Variants in CLIP3 observed in about 807,000 individuals in gnomAD.
CLIP3 encodes the protein CAP-Gly domain-containing linker protein 3.
In CLIP3, 15 loss-of-function variants were observed where a neutral mutation model predicts 59.4. That is an observed-to-expected ratio of 0.25 (90% CI 0.17 to 0.39). CLIP3 has a LOEUF of 0.39. Ranked by LOEUF, CLIP3 falls within the 10% of genes least tolerant of loss-of-function variation. The probability of loss-of-function intolerance (pLI) is 1.00; values close to 1 mark genes in which losing one functional copy is unlikely to be tolerated. For missense variants in CLIP3, 495 were observed against 765.7 expected (o/e 0.65, Z 4.17); for synonymous variants, 300 against 321.6 (o/e 0.93, Z 0.72).
rs186824653 is a variant in CLIP3 at position 36,016,237 on chromosome 19, C to A, written c.1590-25G>T. The A allele has an allele frequency of 4.5e-3, 7,275 of 1,613,888 alleles. 24 individuals are homozygous for A. The highest frequency in any genetic ancestry group is 5.5e-3 in the Non-Finnish European group (6,490 of 1,179,822). On this transcript the variant is annotated intron_variant, in intron 13 of 13. Coordinates refer to ENST00000360535, the MANE Select transcript of CLIP3 (RefSeq NM_015526.3). This position sits in a 1 kb window ranked among gnomAD's most constrained non-coding sequence, Gnocchi z 4.1. ...CCTGGAAAGGAGGATGACAGGGTCA[C>A]GCCCTTAGGCAGGCAGCGGGGACAT...
chr19:36,026,223 A>C lies in CLIP3; in HGVS notation c.605T>G (p.Leu202Arg). The C allele has an allele frequency of 6.2e-7, 1 of 1,613,772 alleles. No homozygotes were observed. The highest frequency in any genetic ancestry group is 8.5e-7 in the Non-Finnish European group (1 of 1,179,966). ...GCACAGGCTGGAAGCAGCGATGTGC[A>C]GGGCTGAGCCGTGGTTGAAGTCACT... ...TCSDFNHGSALHIAASSLCLG... is the reference protein window; with the variant it reads ...TCSDFNHGSARHIAASSLCLG... Residue 202 changes from leucine to arginine, a missense_variant, in exon 6 of 14, where the codon CTG becomes CGG. Physicochemically the swap from Leu to Arg is moderately radical, Grantham distance 102. Transcript: ENST00000360535. This position sits in a 1 kb window ranked among gnomAD's most constrained non-coding sequence, Gnocchi z 6.3.
Position 36,018,895 on chromosome 19 carries a change from G to A in CLIP3, c.1183+3C>T, listed in dbSNP as rs1312919207. The A allele has an allele frequency of 6.2e-7, 1 of 1,612,966 alleles. No individual in the cohort carries two copies. The highest frequency in any genetic ancestry group is 2.2e-5 in the East Asian group (1 of 44,852). On this transcript the variant is annotated splice_donor_region_variant and intron_variant, in intron 9 of 13. Transcript: ENST00000360535. The stretch of plus-strand genomic sequence containing the variant: ...TTCCCACCACAGGGATCCCCTCTCT[G>A]ACCTTTGTGTTCCCTGCGGCCTTTG...
Position 36,026,288 on chromosome 19 carries a change from G to A in CLIP3, c.563-23C>T, listed in dbSNP as rs771002841. The A allele has an allele frequency of 1.2e-5, 19 of 1,589,706 alleles. 1 individual carries two copies. Among genetic ancestry groups the A allele is most frequent in the Non-Finnish European group, 1.6e-5 (19 of 1,159,412 alleles). ...CCACTGGAAGTGGGCAAGAGGAGGG[G>A]TTCCGGGTGAGCGCCTGTGGGACCC... On this transcript the variant is annotated intron_variant, in intron 5 of 13. Coordinates refer to ENST00000360535, the MANE Select transcript of CLIP3 (RefSeq NM_015526.3). This position sits in a 1 kb window ranked among gnomAD's most constrained non-coding sequence, Gnocchi z 6.3.
chr19:36,017,922 A>C lies in CLIP3; in HGVS notation c.1253T>G (p.Val418Gly), dbSNP rs767691706. The C allele has an allele frequency of 6.2e-7, 1 of 1,614,090 alleles. No homozygotes were observed. The part of the protein sequence containing the change: ...LQQRDGAKAE[V>G]GDQVLVAGQK... ...GCCCGCGACAAGGACCTGGTCTCCAACCTCAGCCTTGGCCCCGTCACGCTG... is the reference window on the plus strand; with the variant it reads ...GCCCGCGACAAGGACCTGGTCTCCACCCTCAGCCTTGGCCCCGTCACGCTG... Residue 418 changes from valine to glycine, a missense_variant, in exon 10 of 14, where the codon GTT becomes GGT. This residue lies in a region of CLIP3 where 179 missense variants were observed against 226.2 expected (regional missense o/e 0.79). Coordinates refer to ENST00000360535, the MANE Select transcript of CLIP3 (RefSeq NM_015526.3).
chr19:36,021,192 T>C (rs1157345752), intron 7 of CLIP3, among the ~76,000 whole-genome samples: 2 of 151,966 alleles, frequency 1.3e-5, no homozygotes, highest in African/African-American at 4.8e-5. Flanking sequence ...TTAGCTATTA[T>C]CATGCTGTAA....
At position 36,016,826 on chromosome 19, in the gene CLIP3, C is replaced by T; in HGVS notation, c.1589+81G>A. ...TCTCTTTCCAGCCCTGACCAGAGCT[C>T]CAGACCTCTGGGTCCAACTGCCTTA... On this transcript the variant is annotated intron_variant, in intron 13 of 13. Transcript: ENST00000360535. This position sits in a 1 kb window ranked among gnomAD's most constrained non-coding sequence, Gnocchi z 4.1. 1 of 1,452,220 alleles carries T rather than the reference C, an allele frequency of 6.9e-7. No homozygotes were observed. Among genetic ancestry groups the T allele is most frequent in the Non-Finnish European group, 9.5e-7 (1 of 1,048,760 alleles). The allele number at this position is 1,452,220 out of a possible 1,614,324, so 90.0% of individuals were successfully genotyped here.
intron 2 of CLIP3, among the ~76,000 whole-genome samples, chr19:36,029,323 A>AAAT (rs34414632): frequency 4.0e-5 from 6 of 151,116 alleles, no homozygotes; most frequent in African/African-American, 1.5e-4. Context: ...AAAAAAAAAA[A>AAAT]TAGGGTCTGT....
chr19:36,016,162 G>A lies in CLIP3; in HGVS notation c.1640C>T (p.Ser547Phe). 2 of 1,614,004 alleles carry A rather than the reference G, an allele frequency of 1.2e-6. No homozygotes were observed. The highest frequency in any genetic ancestry group is 1.7e-6 in the Non-Finnish European group (2 of 1,179,926). The stretch of plus-strand genomic sequence containing the variant: ...TTTGTCAGGTGTCCAGGGCCTCTAA[G>A]ACTGCATCTCCGCCCTCAGCATCCA... ...FPWMLRAEMQ[S>F] Residue 547 changes from serine (S) to phenylalanine (F), a missense_variant, in exon 14 of 14, where the codon TCT (serine) becomes TTT (phenylalanine). Physicochemically the swap from Ser to Phe is radical, Grantham distance 155 (BLOSUM62 -2). This residue lies in a region of CLIP3 where 6 missense variants were observed against 27.0 expected (regional missense o/e 0.22). Coordinates refer to ENST00000360535, the MANE Select transcript of CLIP3 (RefSeq NM_015526.3). The surrounding 1 kb of genome is among the most constrained non-coding windows in gnomAD (Gnocchi z 4.1).
At chr19:36,019,599 T>A (rs992971789) in intron 7 of CLIP3, among the ~76,000 whole-genome samples, 1 of 126,792 alleles carries the variant, frequency 7.9e-6, no homozygotes, top group African/African-American at 4.0e-5. Flanking sequence ...TATTTATTTA[T>A]TTTATTTATT....
rs1417456872 is a variant in CLIP3 at position 36,026,369 on chromosome 19, G to A, written c.563-104C>T. The A allele has an allele frequency of 1.7e-6, 2 of 1,201,848 alleles. No homozygotes were observed. Among genetic ancestry groups the A allele is most frequent in the South Asian group, 1.4e-5 (1 of 73,518 alleles). 74.4% of individuals were successfully genotyped at this position (1,201,848 alleles called of 1,614,324 possible). A position where few individuals can be genotyped will look rare whatever the true frequency, so the allele number is the denominator to read the frequency against. ...TTAACTTGCAGGTCCCAGAGCCTCC[G>A]ACGCAGAGCCCCGCCCCCACCTCGG... On this transcript the variant is annotated intron_variant, in intron 5 of 13. Coordinates refer to ENST00000360535, the MANE Select transcript of CLIP3 (RefSeq NM_015526.3). The surrounding 1 kb of genome is among the most constrained non-coding windows in gnomAD (Gnocchi z 6.3).
intron 2 of CLIP3, among the ~76,000 whole-genome samples, chr19:36,028,748 G>C (rs1321644691): frequency 2.0e-5 from 3 of 152,052 alleles, no homozygotes; most frequent in Non-Finnish European, 4.4e-5. Flanking sequence ...CAGCCCCTCA[G>C]TTCTCAGCCC....
In CLIP3 at chr19:36,017,908, G is replaced by T; in HGVS notation, c.1267C>A (p.Leu423Ile). The T allele has an allele frequency of 1.1e-5, 17 of 1,614,106 alleles. No homozygotes were observed. Among genetic ancestry groups the T allele is most frequent in the Non-Finnish European group, 1.4e-5 (17 of 1,180,006 alleles). Residue 423 changes from leucine to isoleucine, a missense_variant, in exon 10 of 14, where the codon CTT (leucine) becomes ATT (isoleucine). This residue lies in a region of CLIP3 where 179 missense variants were observed against 226.2 expected (regional missense o/e 0.79). Transcript: ENST00000360535. ...ATCCCCTGCTTCTGGCCCGCGACAA[G>T]GACCTGGTCTCCAACCTCAGCCTTG... Reference protein sequence around the residue: ...GAKAEVGDQVLVAGQKQGIVR... With the variant: ...GAKAEVGDQVIVAGQKQGIVR...
At chr19:36,031,613 T>C (rs1969269455) in intron 2 of CLIP3, among the ~76,000 whole-genome samples, 1 of 152,166 alleles carries the variant, frequency 6.6e-6, no homozygotes, top group African/African-American at 2.4e-5. Context: ...TGGGAGCCCT[T>C]TCCCCTGACC....
chr19:36,032,400 A>T lies in CLIP3; in HGVS notation c.-43T>A. 1 of 1,027,912 alleles carries T rather than the reference A, an allele frequency of 9.7e-7. No individual in the cohort carries two copies. Among genetic ancestry groups the T allele is most frequent in the Non-Finnish European group, 1.3e-6 (1 of 789,194 alleles). 63.7% of individuals were successfully genotyped at this position (1,027,912 alleles called of 1,614,324 possible). A position where few individuals can be genotyped will look rare whatever the true frequency, so the allele number is the denominator to read the frequency against. On this transcript the variant is annotated 5_prime_UTR_variant, in exon 2 of 14. Transcript: ENST00000360535. The surrounding 1 kb of genome is among the most constrained non-coding windows in gnomAD (Gnocchi z 4.3). Reference sequence around the variant, plus strand: ...GGGGGGCGGGTGCAGAGTTGGGGGCAGCCTTCAGGCAAATCCTGGAGGCAG... The same window carrying T: ...GGGGGGCGGGTGCAGAGTTGGGGGCTGCCTTCAGGCAAATCCTGGAGGCAG...
rs1227733550 is a variant in CLIP3 at position 36,026,597 on chromosome 19, G to A, written c.551C>T (p.Ala184Val). 12 of 1,613,382 alleles carry A rather than the reference G, an allele frequency of 7.4e-6. No individual in the cohort carries two copies. Among genetic ancestry groups the A allele is most frequent in the Non-Finnish European group, 9.3e-6 (11 of 1,179,926 alleles). Residue 184 changes from alanine to valine, a missense_variant, in exon 5 of 14, where the codon GCG becomes GTG. Physicochemically the swap from Ala to Val is moderately conservative, Grantham distance 64. Around this residue, in one of 5 missense-constraint regions of CLIP3, gnomAD observed 194 missense variants for 327.8 expected, o/e 0.59. Transcript: ENST00000360535. The surrounding 1 kb of genome is among the most constrained non-coding windows in gnomAD (Gnocchi z 6.3). ...GCTCTCCTCCTCACCTCGCGGCCTCGCACCCTTCAGCAGCACACGCACGAG... is the reference window on the plus strand; with the variant it reads ...GCTCTCCTCCTCACCTCGCGGCCTCACACCCTTCAGCAGCACACGCACGAG... ...PDLVRVLLKG[A>V]RPRVVNSTCS...
rs748292401 is a variant in CLIP3 at position 36,017,425 on chromosome 19, C to T, written c.1477G>A (p.Gly493Arg). The T allele has an allele frequency of 8.4e-5, 136 of 1,613,530 alleles. No homozygotes were observed. Among genetic ancestry groups the T allele is most frequent in the Non-Finnish European group, 1.0e-4 (120 of 1,180,032 alleles). ...QRIGGSTDSP[G>R]DSVGAKKVHQ... ...ACTTTTTTGGCTCCAACGCTGTCCC[C>T]GGGGGAATCAGTGGATCCGCCAATC... Residue 493 changes from glycine (G) to arginine (R), a missense_variant, in exon 12 of 14, where the codon GGG becomes AGG. Coordinates refer to ENST00000360535, the MANE Select transcript of CLIP3 (RefSeq NM_015526.3).
rs1173952233 is a variant in CLIP3, at chr19:36,026,387, C to G, written c.563-122G>C. On this transcript the variant is annotated intron_variant, in intron 5 of 13. Coordinates refer to ENST00000360535, the MANE Select transcript of CLIP3 (RefSeq NM_015526.3). The surrounding 1 kb of genome is among the most constrained non-coding windows in gnomAD (Gnocchi z 6.3). ...AGCCTCCGACGCAGAGCCCCGCCCC[C>G]ACCTCGGAGCCCCCCTCTCCCTTGG... 3 of 1,111,168 alleles carry G rather than the reference C, an allele frequency of 2.7e-6. No individual in the cohort carries two copies. The highest frequency in any genetic ancestry group is 1.6e-5 in the African/African-American group (1 of 64,236). The allele number at this position is 1,111,168 out of a possible 1,614,324, so 68.8% of individuals were successfully genotyped here.
chr19:36,025,915 G>A (rs1236275438), intron 6 of CLIP3, among the ~76,000 whole-genome samples: 2 of 152,226 alleles, frequency 1.3e-5, no homozygotes, highest in African/African-American at 4.8e-5. Context: ...ATGACCCTGG[G>A]CAGATCCCTT....
chr19:36,025,980 G>A (rs1296057858), intron 6 of CLIP3, among the ~76,000 whole-genome samples, 167 bp downstream of exon 6: 1 of 152,222 alleles, frequency 6.6e-6, no homozygotes, highest in Non-Finnish European at 1.5e-5. Flanking sequence ...GACTTCACCT[G>A]ACATGTAATG....
Sources: gnomAD v4.1 joint callset for allele counts (sites outside exome capture counted in the v4.1 genomes callset) on GRCh38, gnomAD v4.1.1 for gene constraint, gnomAD v4.1.1 regional missense constraint, Gnocchi (gnomAD v3.1) non-coding constraint, MANE v1.5 for transcripts, NCBI Gene and HGNC (gene_info 2026-07-23, HGNC 2026-07-21) for gene names.